DPP10: variants seen among roughly 807,000 people sequenced by gnomAD.
DPP10 encodes the protein dipeptidyl peptidase like 10, also known as inactive dipeptidyl peptidase 10.
In DPP10, 33 loss-of-function variants were observed where a neutral mutation model predicts 120.9. The ratio of observed to expected loss-of-function variants is 0.27; its 90% CI spans 0.21 to 0.37. DPP10 has a LOEUF of 0.37. Ranked by LOEUF, DPP10 falls within the 10% of genes least tolerant of loss-of-function variation. The pLI is 1.00. For missense variants in DPP10, 816 were observed against 942.8 expected, an observed-to-expected ratio of 0.87 and a Z score of 1.76; for synonymous variants, 337 against 326.1, an observed-to-expected ratio of 1.03 and a Z score of -0.36.
chr2:115,656,136 A>G (rs2088307013), intron 5 of DPP10, among the ~76,000 whole-genome samples: 1 of 47,954 alleles, frequency 2.1e-5, no homozygotes, highest in Admixed American at 1.7e-4. Flanking sequence ...CTTACCAAAC[A>G]CACACACACA....
intron 1 of DPP10, among the ~76,000 whole-genome samples, chr2:115,262,311 A>T (rs887915373): frequency 6.6e-6 from 1 of 152,002 alleles, no homozygotes; most frequent in African/African-American, 2.4e-5. Flanking sequence ...AAAGACTTCT[A>T]TCTCTATATT....
At chr2:114,775,171 A>G (rs141704938) in intron 1 of DPP10, among the ~76,000 whole-genome samples, 136 of 152,268 alleles carry the variant, frequency 8.9e-4, no homozygotes, top group African/African-American at 3.2e-3. Flanking sequence ...AATCTTGATT[A>G]GTCCTAACAA....
chr2:115,012,389 A>T (rs1281438937), intron 1 of DPP10, among the ~76,000 whole-genome samples: 1 of 152,128 alleles, frequency 6.6e-6, no homozygotes, highest in Admixed American at 6.5e-5. Context: ...CAAAACCAGC[A>T]CATTAAACAA....
intron 5 of DPP10, among the ~76,000 whole-genome samples, chr2:115,658,878 A>C (rs900486252): frequency 1.1e-4 from 16 of 152,062 alleles, no homozygotes; most frequent in Admixed American, 3.3e-4. Flanking sequence ...ATTTTATAAT[A>C]AACTATATCA....
At chr2:115,375,847 AAAC>A (rs2065754137) in intron 3 of DPP10, among the ~76,000 whole-genome samples, 1 of 152,216 alleles carries the variant, frequency 6.6e-6, no homozygotes, top group African/African-American at 2.4e-5. Context: ...ACTATGATGA[AAAC>A]AACAAGAAGA....
At chr2:114,584,111 TTCTA>T (rs1315080785) in intron 1 of DPP10, among the ~76,000 whole-genome samples, 2 of 152,188 alleles carry the variant, frequency 1.3e-5, no homozygotes, top group African/African-American at 4.8e-5. Flanking sequence ...AGCATGAAAT[TTCTA>T]TCTTAGCATT....
At position 115,444,834 on chromosome 2, in the gene DPP10, T is replaced by C. The variant is rs146119392; in HGVS notation, c.272-54676T>C. 8.5e-5 allele frequency among the ~76,000 whole-genome samples: 13 copies of C among 152,334 alleles called. 1 individual carries two copies. The highest frequency in any genetic ancestry group is 3.1e-4 in the African/African-American group (13 of 41,576). ...ATGGAATTTTTTCACAGGTTAGTTT[T>C]GCTGGTAGGCCTATAACAAGATTCA... On this transcript the variant is annotated intron_variant, in intron 3 of 25. Transcript: ENST00000410059.
chr2:115,459,782 C>T (rs1456491503), intron 3 of DPP10, among the ~76,000 whole-genome samples: 1 of 151,674 alleles, frequency 6.6e-6, no homozygotes, highest in Admixed American at 6.6e-5. Flanking sequence ...CAACTTCCAA[C>T]AGTTGAATGA....
intron 1 of DPP10, among the ~76,000 whole-genome samples, chr2:115,034,630 A>C (rs1321177443): frequency 6.6e-6 from 1 of 152,232 alleles, no homozygotes; most frequent in African/African-American, 2.4e-5. Flanking sequence ...AAATATTTAA[A>C]GTGTTTAGAA....
intron 15 of DPP10, among the ~76,000 whole-genome samples, chr2:115,780,148 A>G (rs1363265926): frequency 6.6e-6 from 1 of 151,964 alleles, no homozygotes; most frequent in Non-Finnish European, 1.5e-5. Context: ...CAAATTTTGC[A>G]TTCAGACTTA....
At chr2:115,311,797 G>A (rs185986011) in intron 2 of DPP10, among the ~76,000 whole-genome samples, 195 of 152,120 alleles carry the variant, frequency 1.3e-3, no homozygotes, top group Non-Finnish European at 2.3e-3. Context: ...ATGGGGTCTC[G>A]CTCTGTTGCT....
At chr2:114,965,429 C>A (rs1698940100) in intron 1 of DPP10, among the ~76,000 whole-genome samples, 1 of 152,026 alleles carries the variant, frequency 6.6e-6, no homozygotes, top group Non-Finnish European at 1.5e-5. Flanking sequence ...ATCCACCGTG[C>A]CTGGCCAGTT....
chr2:115,365,441 T>C (rs1361920257), intron 3 of DPP10, among the ~76,000 whole-genome samples: 1 of 151,842 alleles, frequency 6.6e-6, no homozygotes, highest in Non-Finnish European at 1.5e-5. Flanking sequence ...CAGGCAGAGA[T>C]GGTCCAAGTT....
chr2:114,611,485 A>G (rs1194782407), intron 1 of DPP10, among the ~76,000 whole-genome samples: 1 of 152,190 alleles, frequency 6.6e-6, no homozygotes, highest in Admixed American at 6.5e-5. Context: ...ATATGTTTTC[A>G]TCCAGTCTTT....
At chr2:115,690,080 A>G (rs780674657) in intron 7 of DPP10, among the ~76,000 whole-genome samples, 159 bp downstream of exon 7, 8 of 152,224 alleles carry the variant, frequency 5.3e-5, no homozygotes, top group Non-Finnish European at 8.8e-5. Flanking sequence ...ACTTAAGAAT[A>G]CATTAAATGA....
chr2:115,473,691 G>GA (rs2074883625), intron 3 of DPP10, among the ~76,000 whole-genome samples: 1 of 152,152 alleles, frequency 6.6e-6, no homozygotes, highest in Admixed American at 6.5e-5. Flanking sequence ...TAACACTCTA[G>GA]AAATCAGCTA....
intron 5 of DPP10, among the ~76,000 whole-genome samples, chr2:115,550,176 G>A (rs1331806179): frequency 6.6e-6 from 1 of 152,110 alleles, no homozygotes; most frequent in South Asian, 2.1e-4. Context: ...GTCAGTAATG[G>A]CTCTTATAAA....
chr2:115,442,890 T>A (rs967979891), intron 3 of DPP10, among the ~76,000 whole-genome samples: 3 of 152,324 alleles, frequency 2.0e-5, no homozygotes, highest in Admixed American at 1.3e-4. Context: ...GTTCTGTATC[T>A]CATGTGGCTT....
chr2:115,244,834 C>A (rs1355868364), intron 1 of DPP10, among the ~76,000 whole-genome samples: 2 of 143,338 alleles, frequency 1.4e-5, no homozygotes, highest in Non-Finnish European at 3.0e-5. Context: ...TATGTATGCA[C>A]ATATATATAT....
Sources: gnomAD v4.1 joint callset for allele counts (sites outside exome capture counted in the v4.1 genomes callset) on GRCh38, gnomAD v4.1.1 for gene constraint, MANE v1.5 for transcripts, NCBI Gene and HGNC (gene_info 2026-07-23, HGNC 2026-07-21) for gene names.